The following VPS8 variants were observed in gnomAD, a reference collection of about 807,000 sequenced individuals.
VPS8 encodes the protein vacuolar protein sorting-associated protein 8 homolog.
VPS8 carries 129 observed loss-of-function variants against 216.4 expected under a neutral mutation model. The ratio of observed to expected loss-of-function variants is 0.60; its 90% CI spans 0.52 to 0.69. The LOEUF (loss-of-function observed/expected upper bound fraction) is 0.69. Among genes scored for constraint, VPS8 ranks in the 30% least tolerant of loss-of-function variants. The pLI is 0.00. For missense variants in VPS8, 1,531 were observed against 1,683.5 expected (o/e 0.91, Z 1.59); for synonymous variants, 571 against 565.4 (o/e 1.01, Z -0.14).
At chr3:184,926,874 C>T (rs915913070) in intron 31 of VPS8, among the ~76,000 whole-genome samples, 1 of 152,162 alleles carries the variant, frequency 6.6e-6, no homozygotes, top group Admixed American at 6.5e-5. Context: ...CTGGATCTGT[C>T]TTGTATCTAC....
intron 45 of VPS8, among the ~76,000 whole-genome samples, chr3:185,008,630 G>A (rs1357355484): frequency 6.6e-6 from 1 of 152,066 alleles, no homozygotes; most frequent in Non-Finnish European, 1.5e-5. Flanking sequence ...AGACCTGAAG[G>A]CTAAGGCGGT....
At position 184,994,220 on chromosome 3, in the gene VPS8, C is replaced by T. The variant is rs77014560; in HGVS notation, c.3666+157C>T. 6.8e-3 allele frequency among the ~76,000 whole-genome samples: 1,031 copies of T among 151,994 alleles called. 5 individuals carry two copies. The highest frequency in any genetic ancestry group is 0.025 in the South Asian group (119 of 4,806). ...TGTGTATTTCTTTTAGTTTTTCTCT[C>T]GCCAGGCATGGTAACTCATACCTGT... On this transcript the variant is annotated intron_variant, in intron 43 of 47. Transcript: ENST00000625842.
intron 46 of VPS8, among the ~76,000 whole-genome samples, chr3:185,033,592 T>C (rs1191679547): frequency 2.6e-5 from 4 of 152,252 alleles, no homozygotes; most frequent in South Asian, 2.1e-4. Flanking sequence ...TAAATAGCCA[T>C]GTGTAGGATT....
chr3:184,938,649 C>T (rs200966976), intron 35 of VPS8, among the ~76,000 whole-genome samples: 12,028 of 140,336 alleles, frequency 0.086, 563 homozygotes, highest in Non-Finnish European at 0.093. Flanking sequence ...TTCTTTTTTT[C>T]TTTTTTTTTT....
At chr3:184,849,015 G>T in intron 8 of VPS8, 56 bp from the exon 9 acceptor site, 1 of 1,593,946 alleles carries the variant, frequency 6.3e-7, no homozygotes, top group Non-Finnish European at 8.6e-7. Flanking sequence ...GCCTGTACTC[G>T]ATGTATTTAC....
chr3:184,992,630 C>T (rs944878052), intron 42 of VPS8, among the ~76,000 whole-genome samples: 3 of 152,082 alleles, frequency 2.0e-5, no homozygotes, highest in African/African-American at 7.2e-5. Flanking sequence ...ATATGCTACT[C>T]ACTTAAAGTA....
At chr3:184,913,491 G>C in intron 25 of VPS8, 28 bp from the exon 26 acceptor site, 1 of 1,557,380 alleles carries the variant, frequency 6.4e-7, no homozygotes, top group Non-Finnish European at 8.7e-7. Flanking sequence ...AGAGAAAATT[G>C]CTGAAGATAC....
chr3:184,950,215 G>GTTTTTTTTTTTT (rs1332155323), intron 36 of VPS8, among the ~76,000 whole-genome samples: 1 of 15,300 alleles, frequency 6.5e-5, no homozygotes. Flanking sequence ...GCAGTTTTCT[G>GTTTTTTTTTTTT]CTTTTTTTTT....
chr3:184,886,818 A>G (rs1731365582), intron 22 of VPS8, among the ~76,000 whole-genome samples: 1 of 151,794 alleles, frequency 6.6e-6, no homozygotes, highest in Non-Finnish European at 1.5e-5. Context: ...TGACTTTGTG[A>G]TCCACCCGCC....
rs1745812008 is a variant in VPS8, at chr3:184,957,512, A to C, written c.3174A>C (p.Glu1058Asp). 1 of 1,609,860 alleles carries C rather than the reference A, an allele frequency of 6.2e-7. No homozygotes were observed. ...TCCTTGAGTGCTACCGTCTGGAAGA[A>C]ACTATTCAGGTGAGACGAACAATGT... Reference protein sequence around the residue: ...LQVLECYRLEETIQITQKYQL... With the variant: ...LQVLECYRLEDTIQITQKYQL... Residue 1058 changes from glutamate (E) to aspartate (D), a missense_variant, in exon 37 of 48, where the codon GAA becomes GAC. By Grantham distance (45) the Glu-to-Asp change is conservative. This residue lies in a region of VPS8 where 1,318 missense variants were observed against 1,468.4 expected (regional missense o/e 0.90). Transcript: ENST00000625842.
chr3:184,939,438 T>G (rs2109314137), intron 35 of VPS8, among the ~76,000 whole-genome samples: 1 of 152,204 alleles, frequency 6.6e-6, no homozygotes, highest in Non-Finnish European at 1.5e-5. Context: ...ATAACAATTT[T>G]TGCATAGGTT....
At chr3:184,965,997 C>T (rs990264739) in intron 38 of VPS8, among the ~76,000 whole-genome samples, 4 of 152,162 alleles carry the variant, frequency 2.6e-5, no homozygotes, top group African/African-American at 4.8e-5. Context: ...GTATATTAGT[C>T]TCTTCTGTGT....
intron 40 of VPS8, among the ~76,000 whole-genome samples, chr3:184,976,827 G>GT (rs1352837300): frequency 6.6e-6 from 1 of 152,126 alleles, no homozygotes; most frequent in African/African-American, 2.4e-5. Context: ...GTATTCCATG[G>GT]TGTATATGTA....
At chr3:185,000,239 A>G (rs1753216978) in intron 45 of VPS8, among the ~76,000 whole-genome samples, 1 of 152,180 alleles carries the variant, frequency 6.6e-6, no homozygotes, top group Non-Finnish European at 1.5e-5. Context: ...TATGACTTTT[A>G]AGTAGGGCTG....
At chr3:184,901,781 G>A (rs560191672) in intron 25 of VPS8, among the ~76,000 whole-genome samples, 63 of 152,096 alleles carry the variant, frequency 4.1e-4, no homozygotes, top group African/African-American at 1.5e-3. Flanking sequence ...GGACAAATGT[G>A]TTCATTTTCT....
At chr3:184,850,159 A>C in intron 10 of VPS8, 137 bp downstream of exon 10, 1 of 668,348 alleles carries the variant, frequency 1.5e-6, no homozygotes, top group South Asian at 2.1e-5. Flanking sequence ...TTATAAATAG[A>C]ATCCTCAACA....
At chr3:184,969,409 C>T (rs188910802) in intron 39 of VPS8, among the ~76,000 whole-genome samples, 1 of 113,028 alleles carries the variant, frequency 8.8e-6, no homozygotes, top group Non-Finnish European at 1.7e-5. Context: ...AGCCACTGTA[C>T]CCAGCCCCAC....
intron 46 of VPS8, among the ~76,000 whole-genome samples, chr3:185,042,004 G>T (rs11914603): frequency 0.084 from 12,806 of 152,186 alleles, 1,244 homozygotes; most frequent in African/African-American, 0.24. Context: ...GTCTGCTGGG[G>T]CTGACAAGTC....
intron 1 of VPS8, among the ~76,000 whole-genome samples, chr3:184,820,583 C>G (rs1311820035): frequency 1.3e-5 from 2 of 152,082 alleles, no homozygotes; most frequent in Admixed American, 1.3e-4. Flanking sequence ...TGGTAGATTC[C>G]CAGCTTAGGT....
Sources: allele counts gnomAD v4.1 joint callset (sites outside exome capture counted in the v4.1 genomes callset), GRCh38; gene constraint gnomAD v4.1.1; regional missense constraint gnomAD v4.1.1; transcripts MANE v1.5; gene names NCBI Gene and HGNC (gene_info 2026-07-23, HGNC 2026-07-21).